The following NUP153 variants were observed in gnomAD, a reference collection of about 807,000 sequenced individuals.
The protein encoded by NUP153 is nucleoporin 153, also known as nuclear pore complex protein Nup153.
In NUP153, 27 loss-of-function variants were observed where a neutral mutation model predicts 134.6. The ratio of observed to expected loss-of-function variants is 0.20; its 90% CI spans 0.15 to 0.28. The LOEUF (loss-of-function observed/expected upper bound fraction) is 0.28. Among genes scored for constraint, NUP153 ranks in the 10% least tolerant of loss-of-function variants. The pLI, the probability that NUP153 is intolerant of heterozygous loss-of-function variation, is 1.00. For synonymous variants in NUP153, 640 were observed against 623.5 expected (o/e 1.03, Z -0.40); for missense variants, 1,821 against 1,731.3 (o/e 1.05, Z -0.92).
intron 2 of NUP153, among the ~76,000 whole-genome samples, chr6:17,682,630 C>A (rs1477867240): frequency 6.6e-6 from 1 of 152,046 alleles, no homozygotes; most frequent in East Asian, 1.9e-4. Flanking sequence ...TCTCACGAAA[C>A]CACTTTTGCC....
At chr6:17,688,907 GATTT>G (rs1769112086) in intron 1 of NUP153, among the ~76,000 whole-genome samples, 1 of 151,992 alleles carries the variant, frequency 6.6e-6, no homozygotes, top group African/African-American at 2.4e-5. Flanking sequence ...GTCGATTTTA[GATTT>G]ATTAATATGT....
chr6:17,672,001 C>A (rs191250838), intron 5 of NUP153, among the ~76,000 whole-genome samples: 159 of 151,588 alleles, frequency 1.0e-3, no homozygotes, highest in African/African-American at 3.6e-3. Flanking sequence ...GAGCAAGATC[C>A]CATCTAAAAA....
At chr6:17,648,571 C>G (rs923574878) in intron 12 of NUP153, among the ~76,000 whole-genome samples, 18 of 151,996 alleles carry the variant, frequency 1.2e-4, no homozygotes, top group African/African-American at 4.3e-4. Flanking sequence ...GAGCCAAGAT[C>G]GTGCCACTGC....
rs1416345416 is a variant in NUP153 at position 17,706,408 on chromosome 6, C to T, written c.-21G>A. On this transcript the variant is annotated 5_prime_UTR_variant, in exon 1 of 22. Transcript: ENST00000262077. The surrounding 1 kb of genome is among the most constrained non-coding windows in gnomAD (Gnocchi z 5.9). ...GCCATGGCGGAGCCTCCGCCGCTTC[C>T]CGCTCCGGGGCGGGTAAGGGGGCGG... The T allele has an allele frequency of 6.3e-7, 1 of 1,595,188 alleles. No homozygotes were observed. The highest frequency in any genetic ancestry group is 8.6e-7 in the Non-Finnish European group (1 of 1,167,252).
chr6:17,647,994 C>A, intron 12 of NUP153, 89 bp from the exon 13 acceptor site: 1 of 760,940 alleles, frequency 1.3e-6, no homozygotes. Flanking sequence ...ACTGATTATT[C>A]CAAAGACACT....
At position 17,625,808 on chromosome 6, in the gene NUP153, C is replaced by T; in HGVS notation, c.3901G>A (p.Gly1301Arg). Residue 1301 changes from glycine to arginine, a missense_variant and splice_region_variant, in exon 19 of 22, where the codon GGA becomes AGA. Gly to Arg is a moderately radical substitution (Grantham distance 125). Transcript: ENST00000262077. This position sits in a 1 kb window ranked among gnomAD's most constrained non-coding sequence, Gnocchi z 4.7. ...FGATTTSSSA[G>R]SSFVFGTGPS... is the part of the protein sequence containing the mutation. Reference sequence around the variant, plus strand: ...TGCATTTTTTCTTTTGTAAATGTACCTGCAGAGCTAGATGTGGTTGTGGCT... The same window carrying T: ...TGCATTTTTTCTTTTGTAAATGTACTTGCAGAGCTAGATGTGGTTGTGGCT... 1 of 1,607,716 alleles carries T rather than the reference C, an allele frequency of 6.2e-7. No individual in the cohort carries two copies. Among genetic ancestry groups the T allele is most frequent in the Non-Finnish European group, 8.5e-7 (1 of 1,174,530 alleles).
chr6:17,669,499 A>C lies in NUP153; in HGVS notation c.900T>G (p.Ser300=). The change falls in exon 6 of 22, where the codon TCT becomes TCG. Residue 300 remains serine, a synonymous_variant. Coordinates refer to ENST00000262077, the MANE Select transcript of NUP153 (RefSeq NM_005124.4). ...GAGCTGTTGAACTGGTCACACCGTA[A>C]GATTGTGCACTGAGTTGCTTAGCTT... ...QMKAKQLSAQ[S]YGVTSSTARR... 6.2e-7 allele frequency: 1 copy of C among 1,614,152 alleles called. No individual in the cohort carries two copies. Among genetic ancestry groups the C allele is most frequent in the Non-Finnish European group, 8.5e-7 (1 of 1,179,996 alleles).
At chr6:17,682,810 C>T (rs1768672756) in intron 2 of NUP153, among the ~76,000 whole-genome samples, 1 of 150,152 alleles carries the variant, frequency 6.7e-6, no homozygotes, top group East Asian at 2.0e-4. Context: ...CCCAGCTACT[C>T]GGGAGACCGA....
intron 11 of NUP153, among the ~76,000 whole-genome samples, chr6:17,652,178 A>G (rs578042589): frequency 6.5e-4 from 99 of 152,340 alleles, no homozygotes; most frequent in Non-Finnish European, 1.0e-3. Flanking sequence ...TGAAAAATGA[A>G]TAAGAACAAA....
chr6:17,686,787 T>C (rs1475776139), intron 2 of NUP153, among the ~76,000 whole-genome samples: 1 of 149,256 alleles, frequency 6.7e-6, no homozygotes, highest in Non-Finnish European at 1.5e-5. Context: ...ATCAGGTGAG[T>C]TGGGGGTAGG....
intron 2 of NUP153, among the ~76,000 whole-genome samples, chr6:17,681,598 T>TA (rs1220947357): frequency 6.6e-6 from 1 of 151,766 alleles, no homozygotes; most frequent in Non-Finnish European, 1.5e-5. Flanking sequence ...AAAACAAAAA[T>TA]AAAAAACCAG....
intron 2 of NUP153, among the ~76,000 whole-genome samples, chr6:17,685,828 A>AGTATAC (rs1030463048): frequency 6.6e-6 from 1 of 151,940 alleles, no homozygotes; most frequent in Non-Finnish European, 1.5e-5. Flanking sequence ...TTATCACTAG[A>AGTATAC]GTATACTCCT....
At chr6:17,702,184 A>C (rs1329234840) in intron 1 of NUP153, among the ~76,000 whole-genome samples, 1 of 152,178 alleles carries the variant, frequency 6.6e-6, no homozygotes, top group Non-Finnish European at 1.5e-5. Flanking sequence ...CATTCTCTTC[A>C]GTTACCTATT....
intron 11 of NUP153, 93 bp from the exon 12 acceptor site, chr6:17,649,393 T>C: frequency 8.2e-7 from 1 of 1,213,190 alleles, no homozygotes; most frequent in East Asian, 2.4e-5. Flanking sequence ...AGGAAGAAGA[T>C]GGTACCATGT....
intron 2 of NUP153, among the ~76,000 whole-genome samples, chr6:17,679,718 C>A (rs939431223): frequency 1.3e-5 from 2 of 152,170 alleles, no homozygotes; most frequent in Non-Finnish European, 2.9e-5. Flanking sequence ...CTTCTCTTCA[C>A]AAAATCCACA....
chr6:17,630,001 A>G (rs1002041781), intron 17 of NUP153, among the ~76,000 whole-genome samples: 2 of 152,240 alleles, frequency 1.3e-5, no homozygotes, highest in Non-Finnish European at 2.9e-5. Flanking sequence ...CCAGGCAGCT[A>G]TAAACGAAGA....
chr6:17,643,591 G>A (rs1047676175), intron 14 of NUP153, among the ~76,000 whole-genome samples: 4 of 152,038 alleles, frequency 2.6e-5, no homozygotes, highest in African/African-American at 7.3e-5. Context: ...AGTAATTTAC[G>A]GTAAAATGTT....
intron 14 of NUP153, 101 bp downstream of exon 14, chr6:17,645,966 A>G: frequency 2.1e-6 from 1 of 482,988 alleles, no homozygotes; most frequent in Non-Finnish European, 3.7e-6. Context: ...TTTCATCCAA[A>G]TGAAGGCATT....
intron 11 of NUP153, among the ~76,000 whole-genome samples, chr6:17,660,399 C>A (rs537601868): frequency 3.3e-5 from 5 of 151,884 alleles, no homozygotes; most frequent in Non-Finnish European, 7.4e-5. Context: ...TATAATACAA[C>A]TAAAATGAGA....
Sources: allele counts gnomAD v4.1 joint callset (sites outside exome capture counted in the v4.1 genomes callset), GRCh38; gene constraint gnomAD v4.1.1; non-coding constraint Gnocchi (gnomAD v3.1); transcripts MANE v1.5; gene names NCBI Gene and HGNC (gene_info 2026-07-23, HGNC 2026-07-21).